The following ASB14 variants were observed in gnomAD, a reference collection of about 807,000 sequenced individuals.
The protein encoded by ASB14 is ankyrin repeat and SOCS box containing 14.
Under a neutral mutation model 55.6 loss-of-function variants are expected in ASB14, and 63 were observed. The observed-to-expected ratio is 1.13, with a 90% CI of 0.92 to 1.40. The LOEUF is 1.40. Ranked by LOEUF, ASB14 falls within the 40% of genes most tolerant of loss-of-function variation. ASB14 has a pLI of 0.00. For missense variants in ASB14, 724 were observed against 710.4 expected, an observed-to-expected ratio of 1.02 and a Z score of -0.22; for synonymous variants, 256 against 259.9, an observed-to-expected ratio of 0.98 and a Z score of 0.15.
In ASB14 at chr3:57,278,001, TGTG is replaced by T. The variant is rs370026593; in HGVS notation, c.1432-84_1432-82del. ...GGTTTAGCATAGTAGTCAAAGGAGATGTGGTGTGATGAAAGCCAAGAGAGAAAA... is the reference window on the plus strand; with the variant it reads ...GGTTTAGCATAGTAGTCAAAGGAGATGTGTGATGAAAGCCAAGAGAGAAAA... On this transcript the variant is annotated intron_variant, in intron 8 of 10. Transcript: ENST00000487349. 3.0e-5 allele frequency: 39 copies of T among 1,287,114 alleles called. No individual in the cohort carries two copies. The East Asian group carries it at 3.9e-4, about 13-fold the overall frequency. The allele number at this position is 1,287,114 out of a possible 1,614,324, so 79.7% of individuals were successfully genotyped here. A position where few individuals can be genotyped will look rare whatever the true frequency, so the allele number is the denominator to read the frequency against.
At chr3:57,275,679 G>A (rs1185538904) in intron 10 of ASB14, among the ~76,000 whole-genome samples, 3 of 152,134 alleles carry the variant, frequency 2.0e-5, no homozygotes, top group Non-Finnish European at 4.4e-5. Context: ...CCTACTGAGA[G>A]ATGTGTTTTT....
intron 5 of ASB14, among the ~76,000 whole-genome samples, chr3:57,287,603 G>A (rs2061090178): frequency 6.6e-6 from 1 of 152,158 alleles, no homozygotes; most frequent in South Asian, 2.1e-4. Flanking sequence ...TCAGCTGCCT[G>A]CCCTTCACCC....
At chr3:57,285,207 CTGGGATT>C (rs890634625) in intron 5 of ASB14, among the ~76,000 whole-genome samples, 22 of 152,210 alleles carry the variant, frequency 1.4e-4, no homozygotes, top group Non-Finnish European at 2.6e-4. Context: ...TCCCAAAGTG[CTGGGATT>C]ACAGGTGTGA....
In ASB14 at chr3:57,268,951, C is replaced by G. The variant is rs1478276505; in HGVS notation, c.*690G>C. On this transcript the variant is annotated 3_prime_UTR_variant, in exon 11 of 11. Transcript: ENST00000487349. ...ATTTCAGAGCAAAACTTGAAGAATG[C>G]ATTAAATGATCCATGAAATTGTAAG... 6.5e-6 allele frequency: 1 copy of G among 152,782 alleles called. No homozygotes were observed. Among genetic ancestry groups the G allele is most frequent in the Non-Finnish European group, 1.5e-5 (1 of 68,584 alleles). 9.5% of individuals were successfully genotyped at this position (152,782 alleles called of 1,614,324 possible).
chr3:57,283,066 T>A, intron 6 of ASB14, 128 bp downstream of exon 6: 1 of 1,316,466 alleles, frequency 7.6e-7, no homozygotes, highest in South Asian at 1.5e-5. Flanking sequence ...TATTAACCCA[T>A]AATTTTTATC....
intron 6 of ASB14, among the ~76,000 whole-genome samples, chr3:57,281,130 C>G (rs1184363145): frequency 6.6e-6 from 1 of 152,146 alleles, no homozygotes. Context: ...ATCCAGAAAT[C>G]CGAAATCTGA....
intron 5 of ASB14, among the ~76,000 whole-genome samples, chr3:57,286,261 C>T (rs2061080113): frequency 6.6e-6 from 1 of 151,194 alleles, no homozygotes; most frequent in African/African-American, 2.4e-5. Flanking sequence ...GTGAGTCTTC[C>T]CTAGTGACTT....
In ASB14 at chr3:57,279,233, TCTAGTTCTTC is replaced by T. The variant is rs1249569456; in HGVS notation, c.888-323_888-314del. ...GAGGATGCCTGGTTAAACAGCCATTTCTAGTTCTTCCTAGTTGGTCAAGAGTTTTTCTTTT... is the reference window on the plus strand; with the variant it reads ...GAGGATGCCTGGTTAAACAGCCATTTCTAGTTGGTCAAGAGTTTTTCTTTT... On this transcript the variant is annotated intron_variant, in intron 7 of 10. Transcript: ENST00000487349. Among the ~76,000 whole-genome samples the T allele has an allele frequency of 1.9e-3, 283 of 151,620 alleles. 1 individual carries two copies. The highest frequency in any genetic ancestry group is 6.1e-3 in the African/African-American group (253 of 41,364).
chr3:57,270,960 T>C (rs548464053), intron 10 of ASB14: 1 of 152,300 alleles, frequency 6.6e-6, no homozygotes, highest in South Asian at 2.1e-4. Flanking sequence ...ATTTTTTTTC[T>C]GTAATCACTT....
chr3:57,280,310 G>C lies in ASB14; in HGVS notation c.879C>G (p.Gly293=). The change falls in exon 7 of 11, where the codon GGC becomes GGG. Residue 293 remains glycine, a synonymous_variant. Coordinates refer to ENST00000487349, the MANE Select transcript of ASB14 (RefSeq NM_001142733.3). ...ATGTAATTGAACTTAACAGTAAGTG[G>C]CCCCTGTCAGCTGCCACATGGATGG... ...HLPIHVAADR[G]HLLALKILIP... 6.5e-7 allele frequency: 1 copy of C among 1,546,634 alleles called. No homozygotes were observed. The highest frequency in any genetic ancestry group is 8.7e-7 in the Non-Finnish European group (1 of 1,143,724).
chr3:57,284,094 A>ATGTGTGTGTGTGTGTGTGTG (rs147304310), intron 5 of ASB14, among the ~76,000 whole-genome samples: 13,072 of 136,184 alleles, frequency 0.096, 801 homozygotes, highest in East Asian at 0.13. Flanking sequence ...AACACTGTGT[A>ATGTGTGTGTGTGTGTGTGTG]TGTGTGTGTG....
Position 57,268,819 on chromosome 3 carries a change from A to G in ASB14, c.*822T>C, listed in dbSNP as rs1476304527. ...CCATTTTGCCTTCTATGGGGGGGAAATAAATAAATATATATGTTATATGAA... is the reference window on the plus strand; with the variant it reads ...CCATTTTGCCTTCTATGGGGGGGAAGTAAATAAATATATATGTTATATGAA... On this transcript the variant is annotated 3_prime_UTR_variant, in exon 11 of 11. Transcript: ENST00000487349. The G allele has an allele frequency of 6.3e-6, 1 of 157,878 alleles. No homozygotes were observed. The highest frequency in any genetic ancestry group is 1.4e-5 in the Non-Finnish European group (1 of 72,016). The allele number at this position is 157,878 out of a possible 1,614,324, so 9.8% of individuals were successfully genotyped here.
intron 7 of ASB14, 124 bp from the exon 8 acceptor site, chr3:57,279,044 CAA>C (rs797006707): frequency 4.0e-5 from 29 of 722,918 alleles, no homozygotes; most frequent in Non-Finnish European, 5.1e-5. Flanking sequence ...AACCCACAAC[CAA>C]AAAAAAAAGC....
intron 7 of ASB14, among the ~76,000 whole-genome samples, chr3:57,279,623 G>C (rs1026443060): frequency 6.6e-6 from 1 of 151,852 alleles, no homozygotes; most frequent in Non-Finnish European, 1.5e-5. Flanking sequence ...GCTTGAACCC[G>C]GGAGGCGGAG....
chr3:57,283,807 C>G (rs2061057333), intron 5 of ASB14, among the ~76,000 whole-genome samples: 1 of 149,936 alleles, frequency 6.7e-6, no homozygotes, highest in African/African-American at 2.5e-5. Context: ...AAACAAAAGA[C>G]AGCCCAGACT....
intron 7 of ASB14, among the ~76,000 whole-genome samples, chr3:57,279,935 T>G (rs2061025243): frequency 6.6e-6 from 1 of 152,022 alleles, no homozygotes; most frequent in South Asian, 2.1e-4. Context: ...ACCGTGTTAA[T>G]TACTCACACG....
intron 5 of ASB14, among the ~76,000 whole-genome samples, chr3:57,287,334 A>G (rs1195141708): frequency 1.3e-5 from 2 of 152,112 alleles, no homozygotes; most frequent in Non-Finnish European, 2.9e-5. Context: ...ATTCCTCCAG[A>G]GAACCCCCGG....
At chr3:57,276,857 A>G (rs1211822293) in intron 9 of ASB14, 129 bp from the exon 10 acceptor site, 7 of 793,574 alleles carry the variant, frequency 8.8e-6, no homozygotes, top group Non-Finnish European at 1.4e-5. Context: ...ATAGGGAAAC[A>G]GTTTTTCAGT....
At chr3:57,281,708 G>A (rs1359269804) in intron 6 of ASB14, among the ~76,000 whole-genome samples, 1 of 152,108 alleles carries the variant, frequency 6.6e-6, no homozygotes, top group African/African-American at 2.4e-5. Flanking sequence ...TTTTAAAGAT[G>A]AAGAAACTCA....
Sources: allele counts gnomAD v4.1 joint callset (sites outside exome capture counted in the v4.1 genomes callset), GRCh38; gene constraint gnomAD v4.1.1; transcripts MANE v1.5; gene names NCBI Gene and HGNC (gene_info 2026-07-23, HGNC 2026-07-21).